The following MAGI2 variants were observed in gnomAD, a reference collection of about 807,000 sequenced individuals.
MAGI2 encodes the protein membrane associated guanylate kinase, WW and PDZ domain containing 2.
A neutral mutation model predicts 133.3 loss-of-function variants in MAGI2; 35 were observed. The ratio of observed to expected loss-of-function variants is 0.26; its 90% CI spans 0.20 to 0.35. The LOEUF (loss-of-function observed/expected upper bound fraction) is 0.35, where lower values mean the gene tolerates loss of function less well. MAGI2 is among the 10% of genes least tolerant of loss of function. The pLI, the probability that MAGI2 is intolerant of heterozygous loss-of-function variation, is 1.00. For synonymous variants in MAGI2, 729 were observed against 710.6 expected, an observed-to-expected ratio of 1.03 and a Z score of -0.41; for missense variants, 1,636 against 1,863.4, an observed-to-expected ratio of 0.88 and a Z score of 2.25.
At chr7:79,033,239 T>C (rs887535117) in intron 1 of MAGI2, among the ~76,000 whole-genome samples, 2 of 152,184 alleles carry the variant, frequency 1.3e-5, no homozygotes, top group African/African-American at 2.4e-5. Flanking sequence ...CATAGGCAAA[T>C]GTGCTTCAAA....
chr7:79,171,770 A>ATATATATATATATATATATATATATTTTT, intron 1 of MAGI2, among the ~76,000 whole-genome samples: 2 of 31,224 alleles, frequency 6.4e-5, no homozygotes, highest in South Asian at 8.1e-4. Context: ...ATATATATAT[A>ATATATATATATATATATATATATATTTTT]TTTTTTTTTT....
chr7:78,066,461 TAA>T (rs5885038), intron 21 of MAGI2, among the ~76,000 whole-genome samples: 24,739 of 146,510 alleles, frequency 0.17, 2,233 homozygotes, highest in Middle Eastern at 0.22. Context: ...GACTCTGTCT[TAA>T]AAAAAAAAAA....
At chr7:78,675,803 T>A (rs1235608305) in intron 2 of MAGI2, among the ~76,000 whole-genome samples, 3 of 152,124 alleles carry the variant, frequency 2.0e-5, no homozygotes. Context: ...GTTTTCCAAA[T>A]GGAAATGAAG....
At chr7:79,372,988 T>C (rs534614971) in intron 1 of MAGI2, among the ~76,000 whole-genome samples, 1 of 152,086 alleles carries the variant, frequency 6.6e-6, no homozygotes, top group Non-Finnish European at 1.5e-5. Flanking sequence ...ATTGAAGAGC[T>C]ATCTACAGTT....
intron 2 of MAGI2, among the ~76,000 whole-genome samples, chr7:78,916,946 A>G (rs1156512589): frequency 1.3e-5 from 2 of 152,134 alleles, no homozygotes; most frequent in Admixed American, 1.3e-4. Context: ...ATATTGGATC[A>G]AGAGACTTTA....
chr7:78,471,650 G>A (rs1298418152), intron 6 of MAGI2, among the ~76,000 whole-genome samples: 1 of 152,068 alleles, frequency 6.6e-6, no homozygotes, highest in African/African-American at 2.4e-5. Flanking sequence ...GGAGGGGCTG[G>A]GCTTGTGGCT....
chr7:79,018,947 C>A (rs569593267), intron 1 of MAGI2, among the ~76,000 whole-genome samples: 1 of 152,230 alleles, frequency 6.6e-6, no homozygotes, highest in African/African-American at 2.4e-5. Flanking sequence ...TAATGGAAGA[C>A]TTTAACACTC....
intron 5 of MAGI2, among the ~76,000 whole-genome samples, chr7:78,498,259 C>T (rs189052179): frequency 2.6e-5 from 4 of 152,254 alleles, no homozygotes; most frequent in Admixed American, 2.6e-4. Context: ...CTTTCTGGTA[C>T]ATAACTACTT....
chr7:78,046,495 T>A (rs983773774), intron 21 of MAGI2, among the ~76,000 whole-genome samples: 1 of 152,104 alleles, frequency 6.6e-6, no homozygotes, highest in Non-Finnish European at 1.5e-5. Flanking sequence ...TGACCACACA[T>A]GTTGAATTAC....
chr7:78,464,276 G>T (rs941986227), intron 6 of MAGI2, among the ~76,000 whole-genome samples: 1 of 151,994 alleles, frequency 6.6e-6, no homozygotes, highest in Non-Finnish European at 1.5e-5. Flanking sequence ...TCTACTCTGC[G>T]ACACTCCAAG....
intron 2 of MAGI2, among the ~76,000 whole-genome samples, chr7:78,669,270 C>A (rs1166169086): frequency 6.6e-6 from 1 of 152,090 alleles, no homozygotes; most frequent in African/African-American, 2.4e-5. Flanking sequence ...ATACAAACTA[C>A]CATCAGAGAA....
chr7:78,434,973 C>T (rs1480197124), intron 6 of MAGI2, among the ~76,000 whole-genome samples: 6 of 152,100 alleles, frequency 3.9e-5, no homozygotes, highest in Admixed American at 3.9e-4. Context: ...TCTGCATGGA[C>T]CAGACAAAGA....
intron 5 of MAGI2, among the ~76,000 whole-genome samples, chr7:78,494,197 A>G (rs1793886389): frequency 6.6e-6 from 1 of 152,032 alleles, no homozygotes. Context: ...AGCTCAAGCA[A>G]TCTGCCTGCC....
intron 2 of MAGI2, among the ~76,000 whole-genome samples, chr7:78,750,136 GT>G (rs1823311824): frequency 6.6e-6 from 1 of 152,070 alleles, no homozygotes. Context: ...GCAGTGTTTG[GT>G]TTTCTGTTCT....
chr7:78,743,520 T>C (rs1451136626), intron 2 of MAGI2, among the ~76,000 whole-genome samples: 3 of 152,222 alleles, frequency 2.0e-5, no homozygotes, highest in African/African-American at 7.2e-5. Context: ...CTTCTAGTAC[T>C]CCAATTATGA....
chr7:78,717,615 A>C (rs1819848037), intron 2 of MAGI2, among the ~76,000 whole-genome samples: 1 of 152,186 alleles, frequency 6.6e-6, no homozygotes, highest in South Asian at 2.1e-4. Flanking sequence ...TATCTACTTT[A>C]AACATAAATA....
intron 1 of MAGI2, among the ~76,000 whole-genome samples, chr7:79,100,715 T>A (rs1017326596): frequency 6.6e-6 from 1 of 151,844 alleles, no homozygotes; most frequent in Admixed American, 6.6e-5. Context: ...ATATAGCTAT[T>A]TTTCTTTTGA....
intron 1 of MAGI2, among the ~76,000 whole-genome samples, chr7:79,052,204 G>A (rs1454678900): frequency 6.6e-6 from 1 of 152,046 alleles, no homozygotes; most frequent in Non-Finnish European, 1.5e-5. Context: ...ACTCAGCAGG[G>A]GGAGGAAAAA....
intron 2 of MAGI2, among the ~76,000 whole-genome samples, chr7:78,674,559 T>A (rs953320495): frequency 4.6e-5 from 7 of 152,252 alleles, no homozygotes; most frequent in South Asian, 2.1e-4. Context: ...ATTTTTAATA[T>A]TTTGTCTACC....
Sources: allele counts gnomAD v4.1 joint callset (sites outside exome capture counted in the v4.1 genomes callset), GRCh38; gene constraint gnomAD v4.1.1; transcripts MANE v1.5; gene names NCBI Gene and HGNC (gene_info 2026-07-23, HGNC 2026-07-21).